The following SLC25A24 variants were observed in gnomAD, a reference collection of about 807,000 sequenced individuals.
The protein encoded by SLC25A24 is mitochondrial adenyl nucleotide antiporter SLC25A24.
Under a neutral mutation model 60.7 loss-of-function variants are expected in SLC25A24, and 49 were observed. The ratio of observed to expected loss-of-function variants is 0.81; its 90% CI spans 0.64 to 1.02. The LOEUF is 1.02. Among genes scored for constraint, SLC25A24 ranks in the 50% least tolerant of loss-of-function variants. The pLI is 0.00. For synonymous variants in SLC25A24, 202 were observed against 200.6 expected (o/e 1.01, Z -0.06); for missense variants, 564 against 586.3 (o/e 0.96, Z 0.39).
intron 1 of SLC25A24, among the ~76,000 whole-genome samples, chr1:108,193,992 A>G (rs72981329): frequency 0.029 from 4,044 of 139,424 alleles, 486 homozygotes; most frequent in African/African-American, 0.095. Flanking sequence ...GCAGTTTCAC[A>G]ATAAAAACTC....
intron 1 of SLC25A24, among the ~76,000 whole-genome samples, chr1:108,197,125 C>T (rs1207839925): frequency 6.6e-6 from 1 of 152,042 alleles, no homozygotes; most frequent in Non-Finnish European, 1.5e-5. Flanking sequence ...GTAGCGCTTT[C>T]ACTTCCAATT....
intron 1 of SLC25A24, among the ~76,000 whole-genome samples, chr1:108,196,822 G>C (rs962887407): frequency 2.2e-4 from 34 of 152,242 alleles, no homozygotes; most frequent in Middle Eastern, 6.8e-3. Flanking sequence ...AAAGAAGATG[G>C]GGGTAGAAGG....
rs1054966655 is a variant in SLC25A24, at chr1:108,136,776, T to C, written c.1311A>G (p.Lys437=). 2 of 1,614,160 alleles carry C rather than the reference T, an allele frequency of 1.2e-6. No individual in the cohort carries two copies. The highest frequency in any genetic ancestry group is 8.5e-7 in the Non-Finnish European group (1 of 1,180,002). ...CTCTGTAAAGTCCTGGTATTCCTTC[T>C]TTGGAAATAATTCGTCGAAAGAGGC... ...MVGLFRRIIS[K]EGIPGLYRGI... is the part of the protein sequence containing the mutation. Residue 437 remains lysine (K), a synonymous_variant, in exon 10 of 10, where the codon AAA becomes AAG. Transcript: ENST00000565488.
chr1:108,138,081 C>T (rs2101593856), intron 9 of SLC25A24, among the ~76,000 whole-genome samples: 1 of 152,350 alleles, frequency 6.6e-6, no homozygotes, highest in African/African-American at 2.4e-5. Context: ...CAGCATTCTG[C>T]AGCGCCCAAG....
chr1:108,159,181 G>A (rs1679985908), intron 4 of SLC25A24, among the ~76,000 whole-genome samples: 1 of 152,194 alleles, frequency 6.6e-6, no homozygotes, highest in Admixed American at 6.5e-5. Context: ...GGTATGAAAT[G>A]CTAAGCAGAT....
At chr1:108,171,221 A>G (rs1647450139) in intron 3 of SLC25A24, among the ~76,000 whole-genome samples, 2 of 152,118 alleles carry the variant, frequency 1.3e-5, no homozygotes, top group South Asian at 4.2e-4. Flanking sequence ...TTACCTTGAA[A>G]TTTTACCACA....
In SLC25A24 at chr1:108,181,971, G is replaced by T. The variant is rs780805184; in HGVS notation, c.368C>A (p.Ser123Tyr). 6.8e-6 allele frequency: 11 copies of T among 1,612,720 alleles called. No individual in the cohort carries two copies. The highest frequency in any genetic ancestry group is 9.3e-6 in the Non-Finnish European group (11 of 1,179,128). Reference protein sequence around the residue: ...QSLQTLGLTISEQQAELILQS... With the variant: ...QSLQTLGLTIYEQQAELILQS... ...AAGAATCAACTCTGCTTGTTGTTCA[G>T]AAATAGTCAGACCCAGTGTCTGGAG... Residue 123 changes from serine (S) to tyrosine (Y), a missense_variant, in exon 3 of 10, where the codon TCT (serine) becomes TAT (tyrosine). Transcript: ENST00000565488.
chr1:108,138,840 A>G (rs1198053462), intron 9 of SLC25A24, among the ~76,000 whole-genome samples: 1 of 152,244 alleles, frequency 6.6e-6, no homozygotes, highest in Non-Finnish European at 1.5e-5. Flanking sequence ...GTATGCATAC[A>G]GTACATATGC....
intron 1 of SLC25A24, among the ~76,000 whole-genome samples, chr1:108,197,120 G>A (rs1023543156): frequency 2.0e-5 from 3 of 151,908 alleles, no homozygotes; most frequent in Admixed American, 6.6e-5. Flanking sequence ...AAAATGTAGC[G>A]CTTTCACTTC....
intron 3 of SLC25A24, among the ~76,000 whole-genome samples, chr1:108,162,271 T>C (rs1293546819): frequency 6.7e-6 from 1 of 148,954 alleles, no homozygotes; most frequent in Non-Finnish European, 1.5e-5. Context: ...CATGTGTCTT[T>C]ATAGCAGCAT....
intron 1 of SLC25A24, among the ~76,000 whole-genome samples, chr1:108,189,065 A>G (rs1648251233): frequency 6.6e-6 from 1 of 152,040 alleles, no homozygotes; most frequent in Non-Finnish European, 1.5e-5. Flanking sequence ...TGAAAACAAG[A>G]TTTTCTCTTA....
At chr1:108,199,755 C>T in intron 1 of SLC25A24, 1 of 595,654 alleles carries the variant, frequency 1.7e-6, no homozygotes, top group East Asian at 2.8e-5. Context: ...AGTAGACTTT[C>T]GTATTATGAC....
intron 1 of SLC25A24, among the ~76,000 whole-genome samples, chr1:108,190,657 C>T (rs574135199): frequency 2.7e-5 from 4 of 150,430 alleles, no homozygotes; most frequent in African/African-American, 9.8e-5. Flanking sequence ...AAAGTTATTG[C>T]TTTTGTATCT....
intron 9 of SLC25A24, among the ~76,000 whole-genome samples, chr1:108,138,789 C>T (rs935174750): frequency 2.0e-5 from 3 of 152,006 alleles, no homozygotes; most frequent in African/African-American, 7.2e-5. Context: ...GCATGTAACA[C>T]AGTCAAAAAA....
At chr1:108,157,765 GATT>G (rs1558013421) in intron 4 of SLC25A24, 145 bp from the exon 5 acceptor site, 1 of 825,902 alleles carries the variant, frequency 1.2e-6, no homozygotes, top group Non-Finnish European at 1.9e-6. Flanking sequence ...TGAGTACATA[GATT>G]ATAAGTTGTC....
intron 3 of SLC25A24, among the ~76,000 whole-genome samples, chr1:108,165,923 G>C (rs900433536): frequency 6.6e-6 from 1 of 152,094 alleles, no homozygotes; most frequent in Non-Finnish European, 1.5e-5. Context: ...ATTTTGCAGC[G>C]GCTGGTACTG....
At chr1:108,160,767 G>A (rs914290177) in intron 4 of SLC25A24, among the ~76,000 whole-genome samples, 3 of 152,230 alleles carry the variant, frequency 2.0e-5, no homozygotes, top group Non-Finnish European at 4.4e-5. Flanking sequence ...GGCCAACATA[G>A]CGAAACCCCG....
At chr1:108,161,147 C>A (rs555311896) in intron 4 of SLC25A24, 35 bp downstream of exon 4, 1 of 1,169,160 alleles carries the variant, frequency 8.6e-7, no homozygotes, top group African/African-American at 1.5e-5. Flanking sequence ...TGGTTTATAG[C>A]TCCAAATAAG....
chr1:108,197,933 T>C (rs11578039), intron 1 of SLC25A24, among the ~76,000 whole-genome samples: 65 of 152,200 alleles, frequency 4.3e-4, no homozygotes, highest in Non-Finnish European at 6.5e-4. Flanking sequence ...ATTCTTGCAG[T>C]AGTGAGTGAG....
Sources: gnomAD v4.1 joint callset for allele counts (sites outside exome capture counted in the v4.1 genomes callset) on GRCh38, gnomAD v4.1.1 for gene constraint, MANE v1.5 for transcripts, NCBI Gene and HGNC (gene_info 2026-07-23, HGNC 2026-07-21) for gene names.